The following CNTN4 variants were observed in gnomAD, a reference collection of about 807,000 sequenced individuals.
CNTN4 encodes the protein contactin 4, also known as contactin-4.
In CNTN4, 77 loss-of-function variants were observed where a neutral mutation model predicts 122.5. That is an observed-to-expected ratio of 0.63 (90% confidence interval 0.52 to 0.76). The LOEUF is 0.76. Among genes scored for constraint, CNTN4 ranks in the 30% least tolerant of loss-of-function variants. The pLI, the probability that CNTN4 is intolerant of heterozygous loss-of-function variation, is 0.00. For missense variants in CNTN4, 1,256 were observed against 1,259.1 expected, an observed-to-expected ratio of 1.00 and a Z score of 0.04; for synonymous variants, 512 against 447.0, an observed-to-expected ratio of 1.15 and a Z score of -1.83.
intron 4 of CNTN4, among the ~76,000 whole-genome samples, chr3:2,605,078 T>C (rs761263616): frequency 1.2e-4 from 19 of 152,182 alleles, no homozygotes; most frequent in Non-Finnish European, 1.6e-4. Context: ...GTCATCATAG[T>C]TCACGGCAGC....
chr3:2,213,849 T>A (rs1171988691), intron 2 of CNTN4, among the ~76,000 whole-genome samples: 1 of 152,208 alleles, frequency 6.6e-6, no homozygotes, highest in Non-Finnish European at 1.5e-5. Flanking sequence ...TGTTTTCTTA[T>A]ATTGCACACA....
chr3:2,398,153 C>A (rs1404286956), intron 3 of CNTN4, among the ~76,000 whole-genome samples: 1 of 151,966 alleles, frequency 6.6e-6, no homozygotes, highest in Non-Finnish European at 1.5e-5. Flanking sequence ...GATATATTAG[C>A]ATTTGAAAAA....
intron 6 of CNTN4, among the ~76,000 whole-genome samples, chr3:2,758,090 A>G (rs2090420475): frequency 6.6e-6 from 1 of 152,174 alleles, no homozygotes; most frequent in South Asian, 2.1e-4. Flanking sequence ...CATAAAATTT[A>G]GATTAATTAT....
At chr3:2,747,710 A>G (rs1015823406) in intron 6 of CNTN4, among the ~76,000 whole-genome samples, 1 of 152,222 alleles carries the variant, frequency 6.6e-6, no homozygotes, top group Non-Finnish European at 1.5e-5. Flanking sequence ...CACTTTGCTC[A>G]TTCCACTTCA....
intron 6 of CNTN4, among the ~76,000 whole-genome samples, chr3:2,800,961 T>C (rs1045012612): frequency 5.3e-5 from 8 of 152,216 alleles, no homozygotes; most frequent in African/African-American, 1.9e-4. Flanking sequence ...TTAAAAATTA[T>C]AGCCTTCCTT....
At chr3:2,950,134 C>G (rs1250273980) in intron 13 of CNTN4, among the ~76,000 whole-genome samples, 3 of 152,210 alleles carry the variant, frequency 2.0e-5, no homozygotes, top group South Asian at 4.1e-4. Flanking sequence ...CTTGCAGAGA[C>G]TCATGGAATT....
intron 2 of CNTN4, among the ~76,000 whole-genome samples, chr3:2,150,897 G>C (rs114233889): frequency 0.024 from 3,695 of 152,116 alleles, 68 homozygotes; most frequent in Non-Finnish European, 0.04. Flanking sequence ...AAATTTGTTG[G>C]CTTCCTCTTT....
At chr3:2,099,363 T>G (rs1480749231) in intron 1 of CNTN4, 1 of 152,304 alleles carries the variant, frequency 6.6e-6, no homozygotes, top group Non-Finnish European at 1.5e-5. Context: ...AGTCAGCTCC[T>G]CCGACTGGTT....
chr3:2,445,793 C>T (rs537757808), intron 3 of CNTN4, among the ~76,000 whole-genome samples: 18 of 152,172 alleles, frequency 1.2e-4, no homozygotes, highest in South Asian at 2.1e-4. Context: ...CATATTTGAT[C>T]GGAGCTTCCA....
intron 4 of CNTN4, among the ~76,000 whole-genome samples, chr3:2,721,096 C>T (rs764314832): frequency 9.9e-5 from 15 of 152,084 alleles, no homozygotes; most frequent in Non-Finnish European, 1.8e-4. Flanking sequence ...CTCAGCCTCC[C>T]GAGCAGCTGG....
At chr3:2,741,254 G>A (rs1442619338) in intron 5 of CNTN4, among the ~76,000 whole-genome samples, 2 of 152,176 alleles carry the variant, frequency 1.3e-5, no homozygotes, top group Non-Finnish European at 1.5e-5. Context: ...ACAAGTAAAG[G>A]ATGACCAAGT....
chr3:2,504,720 C>A (rs569569974), intron 3 of CNTN4, among the ~76,000 whole-genome samples: 1 of 152,186 alleles, frequency 6.6e-6, no homozygotes, highest in East Asian at 1.9e-4. Flanking sequence ...TGTGATCAAA[C>A]AACAACAGGA....
intron 13 of CNTN4, among the ~76,000 whole-genome samples, chr3:2,965,494 A>C (rs542056012): frequency 1.2e-4 from 18 of 152,326 alleles, no homozygotes; most frequent in Non-Finnish European, 2.2e-4. Context: ...AATTTTCCTT[A>C]ATTTTAACGT....
chr3:2,522,330 G>A (rs1282730125), intron 3 of CNTN4, among the ~76,000 whole-genome samples: 6 of 152,026 alleles, frequency 3.9e-5, no homozygotes, highest in Non-Finnish European at 8.8e-5. Context: ...TCTATACTCA[G>A]TATTAACAAG....
At chr3:2,411,253 G>A (rs1195500002) in intron 3 of CNTN4, among the ~76,000 whole-genome samples, 1 of 152,028 alleles carries the variant, frequency 6.6e-6, no homozygotes, top group Non-Finnish European at 1.5e-5. Flanking sequence ...GGATTGATAG[G>A]TGCAGCAAAC....
At chr3:2,833,800 C>G (rs916372769) in intron 7 of CNTN4, among the ~76,000 whole-genome samples, 1 of 152,048 alleles carries the variant, frequency 6.6e-6, no homozygotes, top group Non-Finnish European at 1.5e-5. Flanking sequence ...CTCCTAGTAG[C>G]TCATATATTC....
chr3:2,230,251 G>A (rs145710318), intron 2 of CNTN4, among the ~76,000 whole-genome samples: 336 of 152,250 alleles, frequency 2.2e-3, no homozygotes, highest in African/African-American at 7.5e-3. Context: ...GATTTGTTTA[G>A]ATAAAACTAA....
chr3:2,720,707 A>G (rs933201863), intron 4 of CNTN4, among the ~76,000 whole-genome samples: 1 of 152,222 alleles, frequency 6.6e-6, no homozygotes, highest in Non-Finnish European at 1.5e-5. Context: ...CTCCCCCAGC[A>G]TTATAGACTT....
intron 4 of CNTN4, among the ~76,000 whole-genome samples, chr3:2,574,506 A>G (rs1006416701): frequency 3.9e-5 from 6 of 152,114 alleles, no homozygotes. Context: ...TTAGTACTTT[A>G]TGGTACAATG....
Sources: allele counts gnomAD v4.1 joint callset (sites outside exome capture counted in the v4.1 genomes callset), GRCh38; gene constraint gnomAD v4.1.1; transcripts MANE v1.5; gene names NCBI Gene and HGNC (gene_info 2026-07-23, HGNC 2026-07-21).